Variants in DLG2 observed in about 807,000 individuals in gnomAD.
The protein encoded by DLG2 is disks large homolog 2.
In DLG2, 45 loss-of-function variants were observed where a neutral mutation model predicts 132.5. That is an observed-to-expected ratio of 0.34 (90% CI 0.27 to 0.44). The LOEUF is 0.44. DLG2 is among the 20% of genes least tolerant of loss of function. The pLI is 1.00. For synonymous variants in DLG2, 424 were observed against 419.6 expected (o/e 1.01, Z -0.13); for missense variants, 1,045 against 1,196.9 (o/e 0.87, Z 1.87).
chr11:85,463,282 T>C (rs564227043), intron 3 of DLG2, among the ~76,000 whole-genome samples: 7 of 152,286 alleles, frequency 4.6e-5, no homozygotes, highest in African/African-American at 1.7e-4. Flanking sequence ...GCAAAGTGGT[T>C]AAAAATGAAA....
intron 9 of DLG2, among the ~76,000 whole-genome samples, chr11:84,147,571 TAAAGA>T (rs1270845929): frequency 6.6e-6 from 1 of 152,104 alleles, no homozygotes; most frequent in Non-Finnish European, 1.5e-5. Context: ...CATGAGTTAA[TAAAGA>T]AAAGAAAAGA....
intron 3 of DLG2, among the ~76,000 whole-genome samples, chr11:85,341,039 T>C (rs762421489): frequency 6.8e-4 from 104 of 152,198 alleles, no homozygotes; most frequent in Non-Finnish European, 1.1e-3. Flanking sequence ...GACTGAATTC[T>C]TTTCTTGTTG....
At chr11:84,987,757 GAA>G (rs1260869308) in intron 6 of DLG2, among the ~76,000 whole-genome samples, 3 of 151,998 alleles carry the variant, frequency 2.0e-5, no homozygotes, top group African/African-American at 7.2e-5. Context: ...TCACCTTATA[GAA>G]AAATCAACTC....
At chr11:85,316,107 C>G (rs1022651599) in intron 3 of DLG2, among the ~76,000 whole-genome samples, 1 of 151,882 alleles carries the variant, frequency 6.6e-6, no homozygotes, top group Non-Finnish European at 1.5e-5. Context: ...ACAGCTCGAA[C>G]AGGTCAAACA....
chr11:83,606,449 C>A (rs1332925958), intron 19 of DLG2, among the ~76,000 whole-genome samples: 2 of 152,138 alleles, frequency 1.3e-5, no homozygotes, highest in Non-Finnish European at 2.9e-5. Context: ...GTGAAAGATG[C>A]ATCAGAGGTA....
At chr11:84,403,967 TC>T (rs373010359) in intron 7 of DLG2, among the ~76,000 whole-genome samples, 2 of 152,310 alleles carry the variant, frequency 1.3e-5, no homozygotes, top group South Asian at 4.1e-4. Flanking sequence ...TAATCCCTCT[TC>T]TGCATTTTTA....
chr11:83,892,271 A>C (rs1247070589), intron 15 of DLG2, among the ~76,000 whole-genome samples: 6 of 152,220 alleles, frequency 3.9e-5, no homozygotes, highest in African/African-American at 1.4e-4. Flanking sequence ...TTGATCCAGT[A>C]AAGTGAAACT....
chr11:84,502,241 T>TC (rs1555631128), intron 7 of DLG2, among the ~76,000 whole-genome samples: 1 of 40,716 alleles, frequency 2.5e-5, no homozygotes, highest in African/African-American at 3.5e-4. Flanking sequence ...CTTCCTTCCT[T>TC]CCTTCCTTCC....
intron 6 of DLG2, among the ~76,000 whole-genome samples, chr11:84,697,407 G>C (rs1193323604): frequency 6.6e-6 from 1 of 151,416 alleles, no homozygotes; most frequent in Non-Finnish European, 1.5e-5. Flanking sequence ...GGTGAACTTG[G>C]TTTTAATCAA....
chr11:83,723,852 T>A (rs2089338187), intron 18 of DLG2, among the ~76,000 whole-genome samples: 1 of 151,276 alleles, frequency 6.6e-6, no homozygotes, highest in Non-Finnish European at 1.5e-5. Flanking sequence ...TGAGATCACA[T>A]CTCAAAAAAA....
At chr11:83,565,493 C>G (rs1433024419) in intron 19 of DLG2, among the ~76,000 whole-genome samples, 2 of 152,178 alleles carry the variant, frequency 1.3e-5, no homozygotes, top group Admixed American at 1.3e-4. Flanking sequence ...AGGCAACTTA[C>G]AAATCATATT....
chr11:85,429,868 A>G (rs1210692582), intron 3 of DLG2, among the ~76,000 whole-genome samples: 1 of 152,230 alleles, frequency 6.6e-6, no homozygotes, highest in Non-Finnish European at 1.5e-5. Flanking sequence ...GTATATACCC[A>G]AAGGATTATA....
chr11:84,490,649 CA>C (rs5793124), intron 7 of DLG2, among the ~76,000 whole-genome samples: 11,873 of 68,832 alleles, frequency 0.17, 413 homozygotes, highest in South Asian at 0.28. Flanking sequence ...CATATATGAG[CA>C]AAAAAAAAAA....
chr11:83,743,503 T>A lies in DLG2; in HGVS notation c.1825+43187A>T, dbSNP rs1026528385. On this transcript the variant is annotated intron_variant, in intron 18 of 27. Transcript: ENST00000376104. The stretch of plus-strand genomic sequence containing the variant: ...TTGGAGTACAGTGATGTAAACACAG[T>A]TCACACTACAATTTCGACTTCCTGG... 4.1e-5 allele frequency among the ~76,000 whole-genome samples: 6 copies of A among 147,744 alleles called. No homozygotes were observed. In the East Asian group the frequency reaches 1.0e-3, roughly 25 times the overall value.
chr11:85,389,800 C>T (rs117423740), intron 3 of DLG2, among the ~76,000 whole-genome samples: 5,411 of 152,072 alleles, frequency 0.036, 145 homozygotes, highest in Admixed American at 0.051. Flanking sequence ...CTTTTTCAGA[C>T]GAACAAATGC....
chr11:85,146,717 G>T (rs962304524), intron 5 of DLG2, among the ~76,000 whole-genome samples: 1 of 152,156 alleles, frequency 6.6e-6, no homozygotes, highest in East Asian at 1.9e-4. Flanking sequence ...ACTTCCTTGG[G>T]TGTGACAACT....
intron 6 of DLG2, among the ~76,000 whole-genome samples, chr11:84,981,370 T>A (rs1427729347): frequency 1.3e-5 from 2 of 152,128 alleles, no homozygotes; most frequent in Non-Finnish European, 2.9e-5. Flanking sequence ...GTCGTGACCG[T>A]AGGCCAAATC....
At chr11:83,944,286 T>C (rs1292495938) in intron 14 of DLG2, among the ~76,000 whole-genome samples, 11 of 152,196 alleles carry the variant, frequency 7.2e-5, no homozygotes, top group Admixed American at 5.2e-4. Context: ...AATGTATTTA[T>C]ATAATCAAAC....
At chr11:83,942,670 G>A (rs999119227) in intron 14 of DLG2, among the ~76,000 whole-genome samples, 5 of 152,130 alleles carry the variant, frequency 3.3e-5, no homozygotes, top group African/African-American at 1.2e-4. Flanking sequence ...TGTTAATAGT[G>A]CTTTCTCTGA....
Sources: allele counts gnomAD v4.1 joint callset (sites outside exome capture counted in the v4.1 genomes callset), GRCh38; gene constraint gnomAD v4.1.1; transcripts MANE v1.5; gene names NCBI Gene and HGNC (gene_info 2026-07-23, HGNC 2026-07-21).